The following NSUN6 variants were observed in gnomAD, a reference collection of about 807,000 sequenced individuals.
NSUN6 encodes tRNA (cytosine(72)-C(5))-methyltransferase NSUN6.
In NSUN6, 64 loss-of-function variants were observed where a neutral mutation model predicts 58.0. That is an observed-to-expected ratio of 1.10 (90% CI 0.90 to 1.36). The LOEUF is 1.36. Among genes scored for constraint, NSUN6 ranks in the 40% most tolerant of loss-of-function variants. The pLI is 0.00. For synonymous variants in NSUN6, 231 were observed against 193.9 expected, an observed-to-expected ratio of 1.19 and a Z score of -1.59; for missense variants, 701 against 550.1, an observed-to-expected ratio of 1.27 and a Z score of -2.74.
intron 10 of NSUN6, 121 bp downstream of exon 10, chr10:18,547,991 T>G (rs957501945): frequency 5.3e-6 from 5 of 944,496 alleles, no homozygotes; most frequent in Non-Finnish European, 6.3e-6. Flanking sequence ...TAAGCATTCT[T>G]GTTTATTACA....
intron 8 of NSUN6, among the ~76,000 whole-genome samples, chr10:18,565,876 CA>C (rs1368090029): frequency 6.7e-6 from 1 of 150,236 alleles, no homozygotes; most frequent in African/African-American, 2.4e-5. Context: ...GTTCATTCTG[CA>C]TTCCATTCCA....
chr10:18,658,609 CTATGTGTTATTAT>C (rs1234109430), upstream of NSUN6: 50 of 934,880 alleles, frequency 5.3e-5, no homozygotes, highest in Middle Eastern at 5.5e-4. Context: ...GAGAGGGGTG[CTATGTGTTATTAT>C]TATGTGTTAT....
intron 10 of NSUN6, among the ~76,000 whole-genome samples, chr10:18,547,370 T>C (rs1195779656): frequency 6.6e-6 from 1 of 152,232 alleles, no homozygotes; most frequent in Non-Finnish European, 1.5e-5. Flanking sequence ...GAAGTCTTCC[T>C]TTCATCTACA....
At chr10:18,560,045 G>C (rs1049731021) in intron 8 of NSUN6, among the ~76,000 whole-genome samples, 2 of 146,914 alleles carry the variant, frequency 1.4e-5, no homozygotes, top group Non-Finnish European at 3.0e-5. Flanking sequence ...AGCTGGAATG[G>C]AGAATGGAAT....
At chr10:18,587,140 G>A (rs2057186368) in intron 7 of NSUN6, among the ~76,000 whole-genome samples, 1 of 152,138 alleles carries the variant, frequency 6.6e-6, no homozygotes, top group African/African-American at 2.4e-5. Context: ...AAAAGTATTT[G>A]CAATCTTCGA....
intron 10 of NSUN6, among the ~76,000 whole-genome samples, chr10:18,547,702 CT>C (rs1564695038): frequency 4.6e-5 from 7 of 152,010 alleles, no homozygotes; most frequent in Admixed American, 1.3e-4. Context: ...AGCTGGTCTT[CT>C]GATATCCCAC....
chr10:18,566,214 T>C lies in NSUN6; in HGVS notation c.923-14243A>G, dbSNP rs185394086. On this transcript the variant is annotated intron_variant, in intron 8 of 10. Transcript: ENST00000377304. The stretch of plus-strand genomic sequence containing the variant: ...CTCCATTCTTCATTCTATTCCATTC[T>C]GTAATCCATTCCATTCCGCAATCCA... Among the ~76,000 whole-genome samples the C allele has an allele frequency of 4.4e-4, 65 of 147,874 alleles. No homozygotes were observed. The East Asian group carries it at 9.0e-3, about 20-fold the overall frequency.
At chr10:18,561,797 T>C (rs563569218) in intron 8 of NSUN6, among the ~76,000 whole-genome samples, 22 of 148,684 alleles carry the variant, frequency 1.5e-4, no homozygotes, top group African/African-American at 5.3e-4. Context: ...GAGAATACAA[T>C]GGAATGGAAT....
At chr10:18,656,265 G>A (rs2131625231), upstream of NSUN6, among the ~76,000 whole-genome samples, 1 of 152,310 alleles carries the variant, frequency 6.6e-6, no homozygotes, top group African/African-American at 2.4e-5. Context: ...AAAGGTTGAG[G>A]AAAGTTAAAA....
chr10:18,650,288 G>A (rs1426214781), intron 1 of NSUN6, among the ~76,000 whole-genome samples: 1 of 151,862 alleles, frequency 6.6e-6, no homozygotes, highest in Non-Finnish European at 1.5e-5. Context: ...AAGTTGCTTA[G>A]AGGCAGCATG....
intron 3 of NSUN6, among the ~76,000 whole-genome samples, chr10:18,642,217 G>T (rs779550049): frequency 4.8e-5 from 7 of 146,508 alleles, no homozygotes; most frequent in Admixed American, 6.7e-5. Context: ...CACAGAAAGT[G>T]GGGGGGGGAA....
chr10:18,559,554 G>T lies in NSUN6; in HGVS notation c.923-7583C>A, dbSNP rs116649252. Among the ~76,000 whole-genome samples the T allele has an allele frequency of 4.5e-3, 678 of 150,788 alleles. 7 individuals are homozygous for T. The highest frequency in any genetic ancestry group is 0.015 in the African/African-American group (634 of 41,218). ...AGAATGGAGAGTGGAGAATAGAAACGAATTGAATGGAATGGAGAATGCAAT... is the reference window on the plus strand; with the variant it reads ...AGAATGGAGAGTGGAGAATAGAAACTAATTGAATGGAATGGAGAATGCAAT... On this transcript the variant is annotated intron_variant, in intron 8 of 10. Transcript: ENST00000377304.
Position 18,651,560 on chromosome 10 carries a change from G to A in NSUN6, c.-357C>T. 1.0e-6 allele frequency: 1 copy of A among 1,003,702 alleles called. No homozygotes were observed. Among genetic ancestry groups the A allele is most frequent in the Middle Eastern group, 4.9e-4 (1 of 2,026 alleles). The allele number at this position is 1,003,702 out of a possible 1,614,324, so 62.2% of individuals were successfully genotyped here. ...CGCAGATCAGTAAGCCAGGCTGACAGCAGCTCGGTCCCTTTATCTTTTCTA... is the reference window on the plus strand; with the variant it reads ...CGCAGATCAGTAAGCCAGGCTGACAACAGCTCGGTCCCTTTATCTTTTCTA... On this transcript the variant is annotated 5_prime_UTR_variant, in exon 1 of 11. Coordinates refer to ENST00000377304, the MANE Select transcript of NSUN6 (RefSeq NM_182543.5).
chr10:18,643,213 C>A (rs888383409), intron 2 of NSUN6, among the ~76,000 whole-genome samples: 4 of 151,194 alleles, frequency 2.6e-5, no homozygotes, highest in African/African-American at 9.7e-5. Flanking sequence ...GTTATTTTTC[C>A]CAGAAAGGGT....
At chr10:18,553,493 G>A (rs2054753949) in intron 8 of NSUN6, among the ~76,000 whole-genome samples, 1 of 151,692 alleles carries the variant, frequency 6.6e-6, no homozygotes, top group Non-Finnish European at 1.5e-5. Flanking sequence ...GGAATGGAAT[G>A]GAGAATGGAA....
chr10:18,583,461 T>C (rs2056993684), intron 8 of NSUN6, among the ~76,000 whole-genome samples: 1 of 151,928 alleles, frequency 6.6e-6, no homozygotes. Context: ...GAAAAAAGAA[T>C]ATGAGATATG....
intron 8 of NSUN6, among the ~76,000 whole-genome samples, chr10:18,579,372 G>A (rs1030145572): frequency 4.6e-5 from 7 of 151,986 alleles, no homozygotes; most frequent in African/African-American, 9.7e-5. Flanking sequence ...GGGTTTCACC[G>A]TGTTAGCCAG....
At chr10:18,609,146 A>G (rs550455877) in intron 6 of NSUN6, among the ~76,000 whole-genome samples, 70 of 152,222 alleles carry the variant, frequency 4.6e-4, no homozygotes, top group Non-Finnish European at 8.2e-4. Flanking sequence ...CCATCTCTAC[A>G]AAAACATCAA....
At chr10:18,632,596 G>T (rs1171739570) in intron 3 of NSUN6, among the ~76,000 whole-genome samples, 2 of 151,942 alleles carry the variant, frequency 1.3e-5, no homozygotes, top group South Asian at 4.2e-4. Flanking sequence ...GTGGGCGAAG[G>T]ACATGAACAG....
Sources: gnomAD v4.1 joint callset for allele counts (sites outside exome capture counted in the v4.1 genomes callset) on GRCh38, gnomAD v4.1.1 for gene constraint, MANE v1.5 for transcripts, NCBI Gene and HGNC (gene_info 2026-07-23, HGNC 2026-07-21) for gene names.